ERBB4: variants seen among roughly 807,000 people sequenced by gnomAD.
ERBB4 encodes the protein erb-b2 receptor tyrosine kinase 4.
Under a neutral mutation model 158.0 loss-of-function variants are expected in ERBB4, and 42 were observed. The observed-to-expected ratio is 0.27, with a 90% CI of 0.21 to 0.34. The LOEUF (loss-of-function observed/expected upper bound fraction) is 0.34, where lower values mean the gene tolerates loss of function less well. Ranked by LOEUF, ERBB4 falls within the 10% of genes least tolerant of loss-of-function variation. The pLI is 1.00. For missense variants in ERBB4, 1,333 were observed against 1,624.1 expected, an observed-to-expected ratio of 0.82 and a Z score of 3.08; for synonymous variants, 583 against 558.7, an observed-to-expected ratio of 1.04 and a Z score of -0.61.
chr2:212,286,599 T>TTTTTTTTTTTTTTGTTTTG (rs1559928513), intron 1 of ERBB4, among the ~76,000 whole-genome samples: 1 of 83,832 alleles, frequency 1.2e-5, no homozygotes, highest in East Asian at 2.8e-4. Flanking sequence ...GCTGACTTTT[T>TTTTTTTTTTTTTTGTTTTG]TTTTTTTTTT....
chr2:211,414,857 C>T (rs946235945), intron 25 of ERBB4, among the ~76,000 whole-genome samples: 1 of 152,186 alleles, frequency 6.6e-6, no homozygotes, highest in Non-Finnish European at 1.5e-5. Context: ...GTTACGTAAA[C>T]TGTCCATAGC....
intron 20 of ERBB4, among the ~76,000 whole-genome samples, chr2:211,508,660 T>C (rs996538780): frequency 2.0e-5 from 3 of 152,162 alleles, no homozygotes; most frequent in Non-Finnish European, 4.4e-5. Flanking sequence ...CATTCTACTA[T>C]AAAGTCACAT....
chr2:211,515,791 G>A (rs537251163), intron 20 of ERBB4, among the ~76,000 whole-genome samples: 2 of 150,418 alleles, frequency 1.3e-5, no homozygotes, highest in African/African-American at 4.9e-5. Context: ...TTCATTGATT[G>A]GGAAATGCAC....
intron 1 of ERBB4, among the ~76,000 whole-genome samples, chr2:212,219,961 A>G (rs1347168171): frequency 6.6e-6 from 1 of 150,974 alleles, no homozygotes; most frequent in African/African-American, 2.4e-5. Flanking sequence ...CCCGCAAAAA[A>G]AAAAAAAAGT....
chr2:212,433,674 T>C (rs924120939), intron 1 of ERBB4, among the ~76,000 whole-genome samples: 1 of 151,982 alleles, frequency 6.6e-6, no homozygotes, highest in East Asian at 1.9e-4. Flanking sequence ...GCTATGACTA[T>C]ATACACATCG....
At chr2:212,479,358 T>A (rs1689568872) in intron 1 of ERBB4, among the ~76,000 whole-genome samples, 1 of 152,082 alleles carries the variant, frequency 6.6e-6, no homozygotes, top group South Asian at 2.1e-4. Context: ...GACCAGGGCA[T>A]CCTATACTTG....
chr2:211,403,783 G>A (rs1371622534), intron 25 of ERBB4, among the ~76,000 whole-genome samples: 1 of 151,536 alleles, frequency 6.6e-6, no homozygotes, highest in Non-Finnish European at 1.5e-5. Flanking sequence ...ATTTTTTTCT[G>A]CTCCTCAATT....
intron 19 of ERBB4, among the ~76,000 whole-genome samples, chr2:211,608,495 C>T (rs575712308): frequency 6.6e-6 from 1 of 152,276 alleles, no homozygotes; most frequent in East Asian, 1.9e-4. Flanking sequence ...AAGCTTTATT[C>T]TTCTCTCAAA....
At chr2:212,381,419 T>C (rs1353419450) in intron 1 of ERBB4, among the ~76,000 whole-genome samples, 1 of 151,370 alleles carries the variant, frequency 6.6e-6, no homozygotes, top group Non-Finnish European at 1.5e-5. Flanking sequence ...TGTGGTATAA[T>C]TTACTTGTTG....
intron 20 of ERBB4, among the ~76,000 whole-genome samples, chr2:211,541,666 A>T (rs2066813520): frequency 6.6e-6 from 1 of 152,018 alleles, no homozygotes; most frequent in Non-Finnish European, 1.5e-5. Flanking sequence ...GAGGAAGCTT[A>T]TAGCTGTTGC....
chr2:211,974,450 C>A (rs4672629), intron 2 of ERBB4, among the ~76,000 whole-genome samples: 9,850 of 152,206 alleles, frequency 0.065, 652 homozygotes, highest in East Asian at 0.27. Flanking sequence ...CTTCCTAAAA[C>A]CCTCAGTTGT....
chr2:212,393,577 T>A (rs772433906), intron 1 of ERBB4, among the ~76,000 whole-genome samples: 1 of 152,120 alleles, frequency 6.6e-6, no homozygotes, highest in Non-Finnish European at 1.5e-5. Flanking sequence ...TTTGTGAGAA[T>A]AGGGTATGTG....
chr2:212,222,517 A>G (rs2083326231), intron 1 of ERBB4, among the ~76,000 whole-genome samples: 1 of 151,566 alleles, frequency 6.6e-6, no homozygotes, highest in African/African-American at 2.4e-5. Flanking sequence ...AAACTTTTCA[A>G]TTCTTAACCT....
intron 20 of ERBB4, 46 bp from the exon 21 acceptor site, chr2:211,431,146 T>G (rs2063741209): frequency 6.3e-7 from 1 of 1,578,192 alleles, no homozygotes; most frequent in Non-Finnish European, 8.7e-7. Context: ...AATGCCCAGG[T>G]TTTCCCATTT....
chr2:212,407,435 C>T (rs1002898043), intron 1 of ERBB4, among the ~76,000 whole-genome samples: 12 of 151,952 alleles, frequency 7.9e-5, no homozygotes, highest in African/African-American at 1.2e-4. Context: ...GAAACTGAGG[C>T]GGGGTACGTT....
chr2:211,599,087 T>C (rs572166447), intron 19 of ERBB4, among the ~76,000 whole-genome samples: 2 of 152,344 alleles, frequency 1.3e-5, no homozygotes, highest in South Asian at 4.1e-4. Context: ...CTGTTAAAAC[T>C]GAGCAGTGAC....
intron 20 of ERBB4, among the ~76,000 whole-genome samples, chr2:211,491,764 G>T (rs947490418): frequency 6.6e-6 from 1 of 151,930 alleles, no homozygotes; most frequent in Non-Finnish European, 1.5e-5. Context: ...CAATGGAAAC[G>T]TTTGAAATGT....
chr2:211,478,798 T>C (rs909313379), intron 20 of ERBB4, among the ~76,000 whole-genome samples: 5 of 152,114 alleles, frequency 3.3e-5, no homozygotes, highest in Non-Finnish European at 7.4e-5. Context: ...ATTTCTCAGA[T>C]GTACTAATGG....
At chr2:211,956,756 G>A (rs560218548) in intron 2 of ERBB4, among the ~76,000 whole-genome samples, 31 of 152,058 alleles carry the variant, frequency 2.0e-4, no homozygotes, top group African/African-American at 7.0e-4. Flanking sequence ...GTACTACATA[G>A]CTCATAAAGA....
Sources: gnomAD v4.1 joint callset for allele counts (sites outside exome capture counted in the v4.1 genomes callset) on GRCh38, gnomAD v4.1.1 for gene constraint, MANE v1.5 for transcripts, NCBI Gene and HGNC (gene_info 2026-07-23, HGNC 2026-07-21) for gene names.